Variants in CHM observed in about 807,000 individuals in gnomAD.
CHM encodes the protein CHM Rab escort protein.
Under a neutral mutation model 49.0 loss-of-function variants are expected in CHM, and 10 were observed. The observed-to-expected ratio is 0.20, with a 90% CI of 0.13 to 0.35. The LOEUF is 0.35. Ranked by LOEUF, CHM falls within the 10% of genes least tolerant of loss-of-function variation. The probability of loss-of-function intolerance (pLI) is 1.00; values close to 1 mark genes in which losing one functional copy is unlikely to be tolerated. For synonymous variants in CHM, 184 were observed against 167.5 expected (o/e 1.10, Z -0.76); for missense variants, 455 against 478.4 (o/e 0.95, Z 0.46).
At chrX:85,868,517 G>A (rs1923851555) in intron 14 of CHM, among the ~76,000 whole-genome samples, 1 of 111,235 alleles carries the variant, frequency 9.0e-6, no homozygotes, top group Non-Finnish European at 1.9e-5. Flanking sequence ...TTACATCTCT[G>A]TTTTTACTAT....
intron 2 of CHM, among the ~76,000 whole-genome samples, chrX:86,002,728 G>T (rs1346365059): frequency 1.8e-5 from 2 of 112,565 alleles, no homozygotes; most frequent in Admixed American, 9.3e-5. Flanking sequence ...AAACAAAGTG[G>T]CCAGGAAGCT....
At chrX:85,878,569 G>A (rs979429381) in intron 13 of CHM, among the ~76,000 whole-genome samples, 18 of 110,975 alleles carry the variant, frequency 1.6e-4, no homozygotes, top group Non-Finnish European at 3.0e-4. Flanking sequence ...TTTCCTTAAA[G>A]GAAGATACAT....
chrX:85,897,099 A>G (rs1482787267), intron 11 of CHM, among the ~76,000 whole-genome samples: 1 of 74,634 alleles, frequency 1.3e-5, no homozygotes, highest in Non-Finnish European at 2.4e-5. Context: ...TATAATATAT[A>G]TAACAGCATA....
At chrX:85,968,783 T>G in intron 4 of CHM, among the ~76,000 whole-genome samples, 1 of 111,651 alleles carries the variant, frequency 9.0e-6, no homozygotes, top group Non-Finnish European at 1.9e-5. Context: ...AAGTGTGGAG[T>G]GCTGCCCCAG....
intron 8 of CHM, among the ~76,000 whole-genome samples, chrX:85,933,666 C>T (rs1265895015): frequency 8.9e-6 from 1 of 111,953 alleles, no homozygotes; most frequent in Non-Finnish European, 1.9e-5. Flanking sequence ...AGATTCTATG[C>T]AGATAGGACC....
At chrX:85,909,280 A>G (rs747842827) in intron 9 of CHM, among the ~76,000 whole-genome samples, 15 of 111,709 alleles carry the variant, frequency 1.3e-4, no homozygotes, top group Non-Finnish European at 2.4e-4. Flanking sequence ...TCATATTGAT[A>G]CGGCCTTAGA....
At chrX:85,891,691 T>G (rs1457300791) in intron 12 of CHM, among the ~76,000 whole-genome samples, 1 of 112,467 alleles carries the variant, frequency 8.9e-6, no homozygotes, top group Non-Finnish European at 1.9e-5. Flanking sequence ...GCTAGGGCAC[T>G]GTGGAAGGGA....
intron 8 of CHM, among the ~76,000 whole-genome samples, chrX:85,928,334 G>C (rs1355302297): frequency 9.0e-6 from 1 of 111,552 alleles, no homozygotes; most frequent in Non-Finnish European, 1.9e-5. Context: ...TCTGAGGTCA[G>C]GAGTTTGAGA....
chrX:85,917,483 C>T (rs1396770891), intron 8 of CHM, among the ~76,000 whole-genome samples: 2 of 111,406 alleles, frequency 1.8e-5, no homozygotes, highest in African/African-American at 3.3e-5. Context: ...AAACAAAATA[C>T]AATTCTGGCG....
rs1923579639 is a variant in CHM, at chrX:85,864,728, G to A, written c.1864C>T (p.Gln622Ter). ...GCACTGGATTCTGAAGCCTCTGGCT[G>A]TAAACTGTCTCCATCAAGGATAATG... The part of the protein sequence containing the change: ...EDIILDGDSL[Q>*]PEASESSAIP... Residue 622 changes from glutamine to a stop codon, truncating the protein, a stop_gained, in exon 15 of 15, where the codon CAG becomes TAG. Transcript: ENST00000357749. LOFTEE classifies it low-confidence loss of function (END_TRUNC). 2.5e-6 allele frequency: 3 copies of A among 1,205,811 alleles called. No individual in the cohort carries two copies. Among genetic ancestry groups the A allele is most frequent in the South Asian group, 1.8e-5 (1 of 56,268 alleles).
Position 85,895,978 on chromosome X carries a change from C to T in CHM, c.1414-1694G>A, listed in dbSNP as rs147927265. Among the ~76,000 whole-genome samples the T allele has an allele frequency of 7.7e-3, 831 of 107,716 alleles. 5 individuals carry two copies. The highest frequency in any genetic ancestry group is 0.026 in the African/African-American group (756 of 29,570). 93.5% of individuals were successfully genotyped at this position (107,716 alleles called of 115,157 possible). On this transcript the variant is annotated intron_variant, in intron 11 of 14. Coordinates refer to ENST00000357749, the MANE Select transcript of CHM (RefSeq NM_000390.4). The stretch of plus-strand genomic sequence containing the variant: ...ACCTCCTACTACAGTACCTCCGTCA[C>T]CTGAACTCTGAGAAGTTAACTGTCT...
At chrX:85,913,819 A>G (rs1383957468) in intron 8 of CHM, among the ~76,000 whole-genome samples, 1 of 110,798 alleles carries the variant, frequency 9.0e-6, no homozygotes, top group Non-Finnish European at 1.9e-5. Context: ...ATGGCACACT[A>G]GACACAGCCA....
chrX:86,028,718 G>C (rs1424057526), intron 1 of CHM, among the ~76,000 whole-genome samples: 1 of 111,587 alleles, frequency 9.0e-6, no homozygotes, highest in Non-Finnish European at 1.9e-5. Flanking sequence ...CTACCATGTT[G>C]ATAGAAGCTA....
At chrX:86,038,625 C>T (rs1267500230) in intron 1 of CHM, among the ~76,000 whole-genome samples, 1 of 112,171 alleles carries the variant, frequency 8.9e-6, no homozygotes, top group African/African-American at 3.2e-5. Context: ...AGAATTCCTA[C>T]TGAAGCAAAT....
intron 8 of CHM, among the ~76,000 whole-genome samples, chrX:85,913,334 AAGAAAGAAAGAAAG>A (rs1927207375): frequency 8.3e-5 from 5 of 60,266 alleles, no homozygotes; most frequent in African/African-American, 2.4e-4. Flanking sequence ...AAAAAAAAAA[AAGAAAGAAAGAAAG>A]AAAGAAAGAA....
intron 4 of CHM, among the ~76,000 whole-genome samples, chrX:85,974,113 T>C (rs760744362): frequency 1.8e-5 from 2 of 112,215 alleles, no homozygotes; most frequent in African/African-American, 3.2e-5. Context: ...GCAATGAATA[T>C]GTGAAAACCA....
intron 8 of CHM, among the ~76,000 whole-genome samples, chrX:85,951,465 TA>T (rs1198717124): frequency 1.1e-3 from 121 of 105,728 alleles, no homozygotes; most frequent in Non-Finnish European, 1.8e-3. Flanking sequence ...AAGCTAAGCA[TA>T]AAAAAAAAAG....
intron 8 of CHM, among the ~76,000 whole-genome samples, chrX:85,928,495 A>C (rs896977565): frequency 2.7e-5 from 3 of 111,679 alleles, no homozygotes; most frequent in Admixed American, 9.5e-5. Context: ...GTGAGCCGAG[A>C]TCGCGCCACT....
chrX:85,908,313 CT>C (rs1193280281), intron 9 of CHM, among the ~76,000 whole-genome samples: 2 of 111,749 alleles, frequency 1.8e-5, no homozygotes, highest in Non-Finnish European at 3.8e-5. Context: ...TCTCCTATTA[CT>C]GGTTATCTCT....
Sources: gnomAD v4.1 joint callset for allele counts (sites outside exome capture counted in the v4.1 genomes callset) on GRCh38, gnomAD v4.1.1 for gene constraint, MANE v1.5 for transcripts, NCBI Gene and HGNC (gene_info 2026-07-23, HGNC 2026-07-21) for gene names.